The following POLB variants were observed in gnomAD, a reference collection of about 807,000 sequenced individuals.
POLB encodes the protein DNA polymerase beta.
POLB carries 37 observed loss-of-function variants against 52.7 expected under a neutral mutation model. The observed-to-expected ratio is 0.70, with a 90% CI of 0.54 to 0.92. POLB has a LOEUF of 0.92. Among genes scored for constraint, POLB ranks in the 40% least tolerant of loss-of-function variants. POLB has a pLI of 0.00. For synonymous variants in POLB, 138 were observed against 131.3 expected, an observed-to-expected ratio of 1.05 and a Z score of -0.35; for missense variants, 313 against 400.8, an observed-to-expected ratio of 0.78 and a Z score of 1.87.
rs748221603 is a variant in POLB, at chr8:42,369,883, C to T, written c.808C>T (p.Leu270Phe). The T allele has an allele frequency of 1.6e-5, 25 of 1,604,296 alleles. No individual in the cohort carries two copies. The highest frequency in any genetic ancestry group is 2.2e-5 in the East Asian group (1 of 44,830). ...CAAAGATCAGTATTACTGTGGTGTT[C>T]TCTATTTCACTGGGAGTGATATTTT... ...IPKDQYYCGV[L>F]YFTGSDIFNK... Residue 270 changes from leucine to phenylalanine, a missense_variant, in exon 13 of 14, where the codon CTC becomes TTC. This residue lies in a region of POLB where 246 missense variants were observed against 297.6 expected (regional missense o/e 0.83). Transcript: ENST00000265421.
intron 9 of POLB, among the ~76,000 whole-genome samples, chr8:42,360,799 G>A (rs1230021605): frequency 6.6e-6 from 1 of 151,706 alleles, no homozygotes; most frequent in African/African-American, 2.4e-5. Flanking sequence ...GACTGGGTTG[G>A]TCTCAAACTC....
At chr8:42,363,217 A>G (rs1196714715) in intron 11 of POLB, among the ~76,000 whole-genome samples, 1 of 151,844 alleles carries the variant, frequency 6.6e-6, no homozygotes, top group Non-Finnish European at 1.5e-5. Flanking sequence ...TTAATTCTCC[A>G]CTTGTAAATA....
chr8:42,338,647 A>C lies in POLB; in HGVS notation c.23A>C (p.Gln8Pro). ...GCCATGAGCAAACGGAAGGCGCCGC[A>C]GGAGACTCTCAACGGGGGAATCACC... MSKRKAP[Q>P]ETLNGGITDM... The change falls in exon 1 of 14, where the codon CAG becomes CCG. Residue 8 changes from glutamine to proline, a missense_variant. Around this residue, in one of 3 missense-constraint regions of POLB, gnomAD observed 54 missense variants for 63.4 expected, o/e 0.85. Coordinates refer to ENST00000265421, the MANE Select transcript of POLB (RefSeq NM_002690.3). 6.2e-7 allele frequency: 1 copy of C among 1,614,192 alleles called. No homozygotes were observed. Among genetic ancestry groups the C allele is most frequent in the Non-Finnish European group, 8.5e-7 (1 of 1,180,006 alleles).
intron 1 of POLB, 42 bp downstream of exon 1, chr8:42,338,727 C>A: frequency 6.4e-7 from 1 of 1,566,274 alleles, no homozygotes; most frequent in Non-Finnish European, 8.8e-7. Context: ...TTCTTTCCTT[C>A]CAGCCTCTTC....
In POLB at chr8:42,346,384, C is replaced by CT. The variant is rs549901516; in HGVS notation, c.186+1378dup. 5.3e-3 allele frequency among the ~76,000 whole-genome samples: 725 copies of CT among 136,954 alleles called. 2 individuals carry two copies. The highest frequency in any genetic ancestry group is 0.014 in the South Asian group (61 of 4,274). 89.8% of individuals were successfully genotyped at this position (136,954 alleles called of 152,430 possible). ...ATAATTGCCCTTTTTTTTCTTTTTT[C>CT]TTTTTTTTTTTTTGAGACAGGATTT... On this transcript the variant is annotated intron_variant, in intron 3 of 13. Coordinates refer to ENST00000265421, the MANE Select transcript of POLB (RefSeq NM_002690.3).
intron 9 of POLB, chr8:42,357,726 T>C (rs748759296): frequency 3.1e-5 from 6 of 193,984 alleles, no homozygotes; most frequent in African/African-American, 6.1e-5. Flanking sequence ...CCTTTCTTTT[T>C]CCTTTTTTTT....
At chr8:42,356,758 T>C (rs1823341821) in intron 7 of POLB, among the ~76,000 whole-genome samples, 1 of 152,214 alleles carries the variant, frequency 6.6e-6, no homozygotes, top group South Asian at 2.1e-4. Context: ...TGAGTTTATG[T>C]TGCAGGATAG....
At chr8:42,360,166 A>G (rs895413367) in intron 9 of POLB, among the ~76,000 whole-genome samples, 3 of 150,852 alleles carry the variant, frequency 2.0e-5, no homozygotes, top group Non-Finnish European at 4.4e-5. Context: ...CATGTTGGCC[A>G]GGCTGGTCTT....
intron 3 of POLB, among the ~76,000 whole-genome samples, chr8:42,345,790 A>G (rs1273745716): frequency 6.6e-6 from 1 of 152,226 alleles, no homozygotes; most frequent in Admixed American, 6.5e-5. Flanking sequence ...CACTGAGAAT[A>G]TCCTGAGATG....
chr8:42,358,343 A>T (rs977610353), intron 9 of POLB, among the ~76,000 whole-genome samples: 2 of 152,008 alleles, frequency 1.3e-5, no homozygotes, highest in Non-Finnish European at 2.9e-5. Context: ...TCTACTAAAA[A>T]TACAAAAAAT....
chr8:42,346,653 C>A (rs1822633428), intron 3 of POLB, among the ~76,000 whole-genome samples: 1 of 152,068 alleles, frequency 6.6e-6, no homozygotes, highest in African/African-American at 2.4e-5. Context: ...CTCAGCCTCC[C>A]AAAGTGCTGG....
At chr8:42,350,886 TTA>T (rs1200204463) in intron 5 of POLB, among the ~76,000 whole-genome samples, 1 of 151,938 alleles carries the variant, frequency 6.6e-6, no homozygotes, top group Non-Finnish European at 1.5e-5. Flanking sequence ...TTTTTTTTTT[TTA>T]GAGATAGTGT....
intron 11 of POLB, among the ~76,000 whole-genome samples, chr8:42,363,156 A>G (rs1356889191): frequency 6.6e-6 from 1 of 151,684 alleles, no homozygotes; most frequent in Non-Finnish European, 1.5e-5. Flanking sequence ...AATCAGCAGG[A>G]TGCCTGATTC....
In POLB at chr8:42,369,270, G is replaced by T; in HGVS notation, c.709-1G>T. 6.5e-7 allele frequency: 1 copy of T among 1,548,786 alleles called. No homozygotes were observed. The highest frequency in any genetic ancestry group is 2.3e-5 in the East Asian group (1 of 44,258). On this transcript the variant is annotated splice_acceptor_variant, in intron 11 of 13. Coordinates refer to ENST00000265421, the MANE Select transcript of POLB (RefSeq NM_002690.3). LOFTEE classifies it high-confidence loss of function. ...AACTTGGTTTAAAATGTTCATTTTA[G>T]GGTGTTTGCCAGCTTCCCAGTAAAA... is the stretch of plus-strand genomic sequence containing the variant.
At chr8:42,347,660 G>A (rs888315436) in intron 3 of POLB, among the ~76,000 whole-genome samples, 1 of 152,006 alleles carries the variant, frequency 6.6e-6, no homozygotes. Context: ...GTAGCACTAT[G>A]TGTAAAGGGA....
chr8:42,364,346 C>T (rs1270651776), intron 11 of POLB, among the ~76,000 whole-genome samples: 2 of 152,090 alleles, frequency 1.3e-5, no homozygotes, highest in African/African-American at 4.8e-5. Flanking sequence ...TCAAGCAATC[C>T]TCCCACCTAG....
At chr8:42,363,434 G>A (rs766014820) in intron 11 of POLB, among the ~76,000 whole-genome samples, 5 of 150,218 alleles carry the variant, frequency 3.3e-5, no homozygotes, top group Admixed American at 2.0e-4. Flanking sequence ...AGGCTGAGGC[G>A]GGAGAATCAC....
chr8:42,368,886 T>G (rs1824203552), intron 11 of POLB: 2 of 155,244 alleles, frequency 1.3e-5, no homozygotes, highest in Admixed American at 1.3e-4. Context: ...AGCTTTTTTG[T>G]TTGAGACTAT....
intron 9 of POLB, among the ~76,000 whole-genome samples, chr8:42,360,620 C>A (rs1448499869): frequency 1.3e-5 from 2 of 151,734 alleles, no homozygotes; most frequent in African/African-American, 2.4e-5. Context: ...TCAGTGGAGA[C>A]AGAATTTCAT....
Sources: allele counts gnomAD v4.1 joint callset (sites outside exome capture counted in the v4.1 genomes callset), GRCh38; gene constraint gnomAD v4.1.1; regional missense constraint gnomAD v4.1.1; transcripts MANE v1.5; gene names NCBI Gene and HGNC (gene_info 2026-07-23, HGNC 2026-07-21).